Variants in PRKN observed in about 807,000 individuals in gnomAD.
PRKN encodes E3 ubiquitin-protein ligase parkin.
Under a neutral mutation model 59.5 loss-of-function variants are expected in PRKN, and 56 were observed. The observed-to-expected ratio is 0.94, with a 90% CI of 0.76 to 1.18. PRKN has a LOEUF of 1.18. Among genes scored for constraint, PRKN ranks in the 50% most tolerant of loss-of-function variants. The probability of loss-of-function intolerance (pLI) is 0.00; values close to 1 mark genes in which losing one functional copy is unlikely to be tolerated. For missense variants in PRKN, 657 were observed against 596.4 expected, an observed-to-expected ratio of 1.10 and a Z score of -1.06; for synonymous variants, 250 against 222.1, an observed-to-expected ratio of 1.13 and a Z score of -1.12.
At chr6:162,644,523 T>C (rs2128225243) in intron 1 of PRKN, among the ~76,000 whole-genome samples, 1 of 152,230 alleles carries the variant, frequency 6.6e-6, no homozygotes, top group African/African-American at 2.4e-5. Context: ...TGAAGCCTTT[T>C]CCCAAAGCCT....
At chr6:161,751,937 G>A (rs756688153) in intron 7 of PRKN, among the ~76,000 whole-genome samples, 4 of 152,210 alleles carry the variant, frequency 2.6e-5, no homozygotes, top group Admixed American at 6.5e-5. Flanking sequence ...GGCCCTGCAC[G>A]GGAAGGTGGT....
intron 2 of PRKN, among the ~76,000 whole-genome samples, chr6:162,394,844 T>G (rs188098992): frequency 6.6e-6 from 1 of 152,356 alleles, no homozygotes; most frequent in Admixed American, 6.5e-5. Context: ...TAAAACACTT[T>G]TAAATCCTGT....
intron 6 of PRKN, among the ~76,000 whole-genome samples, chr6:161,874,400 AATATTATATATAAAATATATATTAT>A (rs1161545389): frequency 1.1e-5 from 1 of 88,296 alleles, no homozygotes; most frequent in Non-Finnish European, 1.9e-5. Context: ...TTATATGTAA[AATATTATATATAAAATATATATTAT>A]ATGTAAAATA....
At chr6:161,753,804 G>C (rs906373678) in intron 7 of PRKN, among the ~76,000 whole-genome samples, 17 of 152,166 alleles carry the variant, frequency 1.1e-4, no homozygotes, top group African/African-American at 3.1e-4. Flanking sequence ...AGACTGGGTT[G>C]TGAGGCAATG....
chr6:162,082,933 T>C lies in PRKN; in HGVS notation c.535-28759A>G, dbSNP rs535461821. Among the ~76,000 whole-genome samples the C allele has an allele frequency of 9.9e-5, 15 of 152,194 alleles. No individual in the cohort carries two copies. The South Asian group carries it at 2.9e-3, about 29-fold the overall frequency. On this transcript the variant is annotated intron_variant, in intron 4 of 11. Coordinates refer to ENST00000366898, the MANE Select transcript of PRKN (RefSeq NM_004562.3). ...TAATTGTAACACTAAAGATCACTGA[T>C]CATACCCTAAAATTATTAGAATAAA...
At chr6:161,368,386 T>G (rs1036003874) in intron 10 of PRKN, among the ~76,000 whole-genome samples, 6 of 139,176 alleles carry the variant, frequency 4.3e-5, no homozygotes, top group Admixed American at 2.2e-4. Flanking sequence ...AGTCTTGATA[T>G]ATATATATAT....
chr6:161,908,826 G>C (rs970783131), intron 6 of PRKN, among the ~76,000 whole-genome samples: 20 of 152,068 alleles, frequency 1.3e-4, no homozygotes, highest in African/African-American at 4.8e-4. Flanking sequence ...TGGCAAACAA[G>C]AACATGGAAA....
intron 5 of PRKN, among the ~76,000 whole-genome samples, chr6:162,001,847 CTTTT>C (rs35789599): frequency 3.4e-5 from 4 of 116,628 alleles, no homozygotes; most frequent in Non-Finnish European, 3.5e-5. Flanking sequence ...TTGCAAATAG[CTTTT>C]TTTTTTTTTT....
intron 4 of PRKN, among the ~76,000 whole-genome samples, chr6:162,148,370 T>C (rs1322914811): frequency 1.8e-5 from 1 of 55,292 alleles, no homozygotes; most frequent in African/African-American, 7.5e-5. Flanking sequence ...TTTCCACGCC[T>C]AAGAGCTTGA....
chr6:161,731,419 T>A (rs1440566005), intron 7 of PRKN, among the ~76,000 whole-genome samples: 5 of 152,350 alleles, frequency 3.3e-5, no homozygotes, highest in African/African-American at 1.2e-4. Context: ...CAACCAATAG[T>A]TTTTTGGAAG....
chr6:161,695,099 G>A (rs1785964029), intron 7 of PRKN, among the ~76,000 whole-genome samples: 1 of 152,104 alleles, frequency 6.6e-6, no homozygotes, highest in African/African-American at 2.4e-5. Context: ...GGTGGCCTCT[G>A]ACATCCCTAC....
intron 5 of PRKN, among the ~76,000 whole-genome samples, chr6:161,980,703 G>A (rs1562435806): frequency 6.6e-6 from 1 of 152,166 alleles, no homozygotes; most frequent in East Asian, 1.9e-4. Context: ...AGGGAGAAAT[G>A]CCCCTGGCTT....
chr6:161,751,858 G>A (rs1398781590), intron 7 of PRKN, among the ~76,000 whole-genome samples: 1 of 152,218 alleles, frequency 6.6e-6, no homozygotes, highest in Non-Finnish European at 1.5e-5. Flanking sequence ...TGAAGGATGA[G>A]AAGGAGCTAT....
intron 2 of PRKN, among the ~76,000 whole-genome samples, chr6:162,405,964 T>A (rs74443430): frequency 1.3e-5 from 2 of 152,190 alleles, no homozygotes; most frequent in South Asian, 4.1e-4. Flanking sequence ...AATAAAAAGA[T>A]GGCAACAACA....
At chr6:161,787,965 G>GAA (rs1310077892) in intron 6 of PRKN, among the ~76,000 whole-genome samples, 1 of 152,136 alleles carries the variant, frequency 6.6e-6, no homozygotes, top group Non-Finnish European at 1.5e-5. Context: ...AAAAAGCTTA[G>GAA]AAATGACCCT....
At chr6:162,516,353 A>G (rs1583706411) in intron 1 of PRKN, among the ~76,000 whole-genome samples, 1 of 152,164 alleles carries the variant, frequency 6.6e-6, no homozygotes, top group East Asian at 1.9e-4. Flanking sequence ...CACCTATCCA[A>G]TGAAGCAGAT....
intron 4 of PRKN, among the ~76,000 whole-genome samples, chr6:162,149,486 C>T (rs559222422): frequency 7.9e-5 from 12 of 152,172 alleles, no homozygotes; most frequent in East Asian, 1.9e-4. Flanking sequence ...TCAAATGATC[C>T]GCCTCTTCCA....
At chr6:161,406,289 T>A (rs1010242578) in intron 9 of PRKN, among the ~76,000 whole-genome samples, 3 of 151,982 alleles carry the variant, frequency 2.0e-5, no homozygotes, top group Non-Finnish European at 4.4e-5. Context: ...GCATCTACTT[T>A]TCTCAATTTT....
chr6:162,329,141 T>G (rs1043910486), intron 2 of PRKN, among the ~76,000 whole-genome samples: 1 of 152,142 alleles, frequency 6.6e-6, no homozygotes, highest in Admixed American at 6.6e-5. Context: ...AATAACTAAA[T>G]AATTGCACAG....
Sources: allele counts gnomAD v4.1 joint callset (sites outside exome capture counted in the v4.1 genomes callset), GRCh38; gene constraint gnomAD v4.1.1; transcripts MANE v1.5; gene names NCBI Gene and HGNC (gene_info 2026-07-23, HGNC 2026-07-21).